Variants in ZBTB49 observed in about 807,000 individuals in gnomAD.
The protein encoded by ZBTB49 is zinc finger and BTB domain-containing protein 49.
ZBTB49 carries 43 observed loss-of-function variants against 57.5 expected under a neutral mutation model. That is an observed-to-expected ratio of 0.75 (90% CI 0.59 to 0.97). The LOEUF (loss-of-function observed/expected upper bound fraction) is 0.97, where lower values mean the gene tolerates loss of function less well. Among genes scored for constraint, ZBTB49 ranks in the 50% least tolerant of loss-of-function variants. The pLI, the probability that ZBTB49 is intolerant of heterozygous loss-of-function variation, is 0.00. For missense variants in ZBTB49, 938 were observed against 947.7 expected (o/e 0.99, Z 0.13); for synonymous variants, 369 against 362.1 (o/e 1.02, Z -0.22).
chr4:4,306,058 C>T lies in ZBTB49; in HGVS notation c.1256-80C>T, dbSNP rs145765832. 5.2e-4 allele frequency: 608 copies of T among 1,165,652 alleles called. 4 individuals are homozygous for T. In the East Asian group the frequency reaches 0.012, roughly 23 times the overall value. The allele number at this position is 1,165,652 out of a possible 1,614,324, so 72.2% of individuals were successfully genotyped here. A position where few individuals can be genotyped will look rare whatever the true frequency, so the allele number is the denominator to read the frequency against. On this transcript the variant is annotated intron_variant, in intron 3 of 7. Coordinates refer to ENST00000337872, the MANE Select transcript of ZBTB49 (RefSeq NM_145291.4). ...AGAATGTAATGCCATTTTGAAAGTACATAGGAGGTCATTTAAACAAAAAAT... is the reference window on the plus strand; with the variant it reads ...AGAATGTAATGCCATTTTGAAAGTATATAGGAGGTCATTTAAACAAAAAAT...
At chr4:4,305,087 G>A (rs1358628781) in intron 3 of ZBTB49, among the ~76,000 whole-genome samples, 3 of 151,824 alleles carry the variant, frequency 2.0e-5, no homozygotes, top group African/African-American at 7.3e-5. Context: ...CTTATTATCT[G>A]TCACCCCCAA....
At position 4,315,918 on chromosome 4, in the gene ZBTB49, A is replaced by G. The variant is rs761109300; in HGVS notation, c.1569A>G (p.Val523=). The G allele has an allele frequency of 3.1e-6, 5 of 1,614,184 alleles. No individual in the cohort carries two copies. The highest frequency in any genetic ancestry group is 4.2e-6 in the Non-Finnish European group (5 of 1,180,026). ...CTTTTAATATGCAAAGGAAGTTAGT[A>G]AAGCACAGAATTCGGCACACGGGGG... ...GKSFNMQRKL[V]KHRIRHTGER... is the part of the protein sequence containing the mutation. The change falls in exon 7 of 8, where the codon GTA becomes GTG. Residue 523 remains valine (V), a synonymous_variant. Transcript: ENST00000337872.
Position 4,290,256 on chromosome 4 carries a change from C to G in ZBTB49, c.-116C>G, listed in dbSNP as rs111846352. 0.019 allele frequency: 2,820 copies of G among 152,344 alleles called. 86 individuals are homozygous for G. Among genetic ancestry groups the G allele is most frequent in the African/African-American group, 0.064 (2,651 of 41,486 alleles). The allele number at this position is 152,344 out of a possible 1,614,324, so 9.4% of individuals were successfully genotyped here. A position where few individuals can be genotyped will look rare whatever the true frequency, so the allele number is the denominator to read the frequency against. On this transcript the variant is annotated 5_prime_UTR_variant, in exon 1 of 8. Transcript: ENST00000337872. ...TTCCGGCAAGCCAAGGGGGCGTTGTCGTGATGATTCCGCGGCCAGCGGATC... is the reference window on the plus strand; with the variant it reads ...TTCCGGCAAGCCAAGGGGGCGTTGTGGTGATGATTCCGCGGCCAGCGGATC...
intron 1 of ZBTB49, among the ~76,000 whole-genome samples, chr4:4,297,858 A>T (rs764093584): frequency 1.3e-5 from 2 of 152,084 alleles, no homozygotes; most frequent in Non-Finnish European, 2.9e-5. Context: ...GTCAGGTATA[A>T]GTAAAGTATT....
chr4:4,321,110 C>A lies in ZBTB49; in HGVS notation c.2092C>A (p.Pro698Thr). ...CTATGCTTACTCGGATGTGGACACCCCAGCCGGTGGCGAACCACTGCAGGC... is the reference window on the plus strand; with the variant it reads ...CTATGCTTACTCGGATGTGGACACCACAGCCGGTGGCGAACCACTGCAGGC... ...QAYAYSDVDT[P>T]AGGEPLQADG... The change falls in exon 8 of 8, where the codon CCA (proline) becomes ACA (threonine). Residue 698 changes from proline (P) to threonine (T), a missense_variant. Pro to Thr is a conservative substitution (Grantham distance 38). Coordinates refer to ENST00000337872, the MANE Select transcript of ZBTB49 (RefSeq NM_145291.4). The A allele has an allele frequency of 6.2e-7, 1 of 1,614,162 alleles. No individual in the cohort carries two copies. The highest frequency in any genetic ancestry group is 8.5e-7 in the Non-Finnish European group (1 of 1,180,032).
chr4:4,312,190 A>G (rs1364631989), intron 4 of ZBTB49, among the ~76,000 whole-genome samples: 1 of 151,712 alleles, frequency 6.6e-6, no homozygotes, highest in Non-Finnish European at 1.5e-5. Context: ...TTTTTTTGCC[A>G]CAGAACACTG....
intron 1 of ZBTB49, among the ~76,000 whole-genome samples, chr4:4,298,761 A>G (rs982394055): frequency 6.6e-6 from 1 of 152,178 alleles, no homozygotes; most frequent in South Asian, 2.1e-4. Flanking sequence ...TCTTGTCCCA[A>G]ACTGGTTCCA....
rs767364106 is a variant in ZBTB49, at chr4:4,315,946, C to A, written c.1597C>A (p.Arg533=). ...GCACAGAATTCGGCACACGGGGGAG[C>A]GGCCTTACAGCTGCTCTGCCTGCGG... ...VKHRIRHTGE[R]PYSCSACGKC... The change falls in exon 7 of 8, where the codon CGG becomes AGG. Residue 533 remains arginine (R), a synonymous_variant. Coordinates refer to ENST00000337872, the MANE Select transcript of ZBTB49 (RefSeq NM_145291.4). 1.2e-6 allele frequency: 2 copies of A among 1,613,868 alleles called. No homozygotes were observed. Among genetic ancestry groups the A allele is most frequent in the African/African-American group, 2.7e-5 (2 of 74,930 alleles).
intron 3 of ZBTB49, among the ~76,000 whole-genome samples, chr4:4,303,778 C>A (rs1379003529): frequency 3.2e-5 from 2 of 61,712 alleles, no homozygotes; most frequent in African/African-American, 1.3e-4. Flanking sequence ...GTGTCTCTCT[C>A]TCTCTCTATA....
rs59351697 is a variant in ZBTB49, at chr4:4,312,962, G to A, written c.1303-79G>A. ...AATTGGAACCTGGCTAAATGTGTCA[G>A]TTTTCCTTTTGAATTTATATAATTT... On this transcript the variant is annotated intron_variant, in intron 4 of 7. Transcript: ENST00000337872. 4,126 of 1,467,464 alleles carry A rather than the reference G, an allele frequency of 2.8e-3. 95 individuals are homozygous for A. In the African/African-American group the frequency reaches 0.05, roughly 18 times the overall value. 90.9% of individuals were successfully genotyped at this position (1,467,464 alleles called of 1,614,324 possible). A position where few individuals can be genotyped will look rare whatever the true frequency, so the allele number is the denominator to read the frequency against.
At chr4:4,310,787 G>A (rs1416250876) in intron 4 of ZBTB49, among the ~76,000 whole-genome samples, 1 of 151,776 alleles carries the variant, frequency 6.6e-6, no homozygotes, top group African/African-American at 2.4e-5. Context: ...CCAAAGTGCT[G>A]GGATTACGGG....
intron 7 of ZBTB49, among the ~76,000 whole-genome samples, chr4:4,320,101 GT>G (rs1427664580): frequency 2.0e-5 from 3 of 152,060 alleles, no homozygotes; most frequent in Non-Finnish European, 4.4e-5. Context: ...TAGAAAAGAT[GT>G]TTCTAAATTA....
chr4:4,307,319 C>T (rs116089726), intron 4 of ZBTB49, among the ~76,000 whole-genome samples: 7 of 152,172 alleles, frequency 4.6e-5, no homozygotes, highest in Non-Finnish European at 8.8e-5. Context: ...TCCCTCCAGC[C>T]GCCATTCTTG....
intron 3 of ZBTB49, among the ~76,000 whole-genome samples, chr4:4,305,307 G>A (rs1720688576): frequency 6.6e-6 from 1 of 152,104 alleles, no homozygotes; most frequent in African/African-American, 2.4e-5. Flanking sequence ...TAGTAGGAAG[G>A]GAAAACATTA....
chr4:4,312,461 C>A (rs1030469671), intron 4 of ZBTB49, among the ~76,000 whole-genome samples: 1 of 152,096 alleles, frequency 6.6e-6, no homozygotes, highest in African/African-American at 2.4e-5. Context: ...ACACAATGGC[C>A]CTGCACCTGA....
rs1223289249 is a variant in ZBTB49, at chr4:4,303,760, C to CTCTCTCTCTCTGTGTGTGTGTG, written c.1255+670_1255+671insCTCTCTCTCTGTGTGTGTGTGT. On this transcript the variant is annotated intron_variant, in intron 3 of 7. Transcript: ENST00000337872. ...TCTCTCTCTCTCTCTCTCTCTCTCT[C>CTCTCTCTCTCTGTGTGTGTGTG]TGTGTGTGTGTCTCTCTCTCTCTCT... 3.0e-3 allele frequency among the ~76,000 whole-genome samples: 359 copies of CTCTCTCTCTCTGTGTGTGTGTG among 121,370 alleles called. 3 individuals are homozygous for CTCTCTCTCTCTGTGTGTGTGTG. The highest frequency in any genetic ancestry group is 6.0e-3 in the African/African-American group (180 of 30,122). The allele number at this position is 121,370 out of a possible 152,430, so 79.6% of individuals were successfully genotyped here.
At position 4,297,644 on chromosome 4, in the gene ZBTB49, G is replaced by A. The variant is rs529809158; in HGVS notation, c.-19-2283G>A. Among the ~76,000 whole-genome samples the A allele has an allele frequency of 1.4e-4, 22 of 152,170 alleles. No individual in the cohort carries two copies. The South Asian group carries it at 2.9e-3, about 20-fold the overall frequency. On this transcript the variant is annotated intron_variant, in intron 1 of 7. Coordinates refer to ENST00000337872, the MANE Select transcript of ZBTB49 (RefSeq NM_145291.4). ...TGCAAAAAATTTTTTAAATTAGCCA[G>A]GTATGGTGGCACATGCCTGTAGTCA...
chr4:4,313,770 G>A (rs192082746), intron 5 of ZBTB49, among the ~76,000 whole-genome samples: 2 of 152,194 alleles, frequency 1.3e-5, no homozygotes, highest in East Asian at 1.9e-4. Flanking sequence ...ATCAGGCCAC[G>A]TACTCCATCA....
At position 4,320,711 on chromosome 4, in the gene ZBTB49, T is replaced by C; in HGVS notation, c.1693T>C (p.Cys565Arg). The change falls in exon 8 of 8, where the codon TGT (cysteine) becomes CGT (arginine). Residue 565 changes from cysteine (C) to arginine (R), a missense_variant. Physicochemically the swap from Cys to Arg is radical, Grantham distance 180. Transcript: ENST00000337872. ...RTHTGEKPYT[C>R]EICNKCFTRS... The stretch of plus-strand genomic sequence containing the variant: ...TCACACTGGGGAGAAGCCGTACACA[T>C]GTGAGATCTGTAACAAGTGCTTTAC... 2 of 1,614,178 alleles carry C rather than the reference T, an allele frequency of 1.2e-6. No homozygotes were observed. Among genetic ancestry groups the C allele is most frequent in the South Asian group, 1.1e-5 (1 of 91,078 alleles).
Sources: allele counts gnomAD v4.1 joint callset (sites outside exome capture counted in the v4.1 genomes callset), GRCh38; gene constraint gnomAD v4.1.1; transcripts MANE v1.5; gene names NCBI Gene and HGNC (gene_info 2026-07-23, HGNC 2026-07-21).